WWP2: variants seen among roughly 807,000 people sequenced by gnomAD.
WWP2 encodes the protein NEDD4-like E3 ubiquitin-protein ligase WWP2.
In WWP2, 57 loss-of-function variants were observed where a neutral mutation model predicts 121.0. That is an observed-to-expected ratio of 0.47 (90% CI 0.38 to 0.59). The LOEUF (loss-of-function observed/expected upper bound fraction) is 0.59. Ranked by LOEUF, WWP2 falls within the 20% of genes least tolerant of loss-of-function variation. WWP2 has a pLI of 0.00. For synonymous variants in WWP2, 449 were observed against 441.3 expected, an observed-to-expected ratio of 1.02 and a Z score of -0.22; for missense variants, 962 against 1,158.9, an observed-to-expected ratio of 0.83 and a Z score of 2.47.
At chr16:69,875,212 G>C in intron 7 of WWP2, among the ~76,000 whole-genome samples, 1 of 152,112 alleles carries the variant, frequency 6.6e-6, no homozygotes, top group East Asian at 1.9e-4. Flanking sequence ...ACTATACTAT[G>C]GTCCATAAAA....
chr16:69,826,203 C>T (rs1476677022), intron 4 of WWP2, among the ~76,000 whole-genome samples: 2 of 145,678 alleles, frequency 1.4e-5, no homozygotes, highest in African/African-American at 2.6e-5. Flanking sequence ...GGAGGCAGAG[C>T]TTGCAGTGAA....
intron 2 of WWP2, among the ~76,000 whole-genome samples, chr16:69,795,439 G>C (rs992952659): frequency 2.6e-5 from 4 of 152,032 alleles, no homozygotes; most frequent in African/African-American, 9.7e-5. Flanking sequence ...CATATTTCAA[G>C]TGTCAATAGC....
chr16:69,810,980 C>T (rs1398410511), intron 4 of WWP2, among the ~76,000 whole-genome samples: 2 of 152,020 alleles, frequency 1.3e-5, no homozygotes, highest in Non-Finnish European at 2.9e-5. Context: ...GTCTTGAACT[C>T]CTGACCTCAA....
intron 4 of WWP2, among the ~76,000 whole-genome samples, chr16:69,816,784 TAC>T (rs920710904): frequency 1.3e-4 from 20 of 151,980 alleles, no homozygotes; most frequent in Non-Finnish European, 2.2e-4. Context: ...CATACACATA[TAC>T]ACACACACAT....
intron 4 of WWP2, among the ~76,000 whole-genome samples, chr16:69,800,983 C>T (rs961903301): frequency 2.2e-4 from 32 of 148,496 alleles, no homozygotes; most frequent in African/African-American, 7.1e-4. Context: ...GTCAGGAGTT[C>T]GTGACCAGCC....
intron 6 of WWP2, among the ~76,000 whole-genome samples, chr16:69,855,855 T>A (rs2057300597): frequency 6.6e-6 from 1 of 152,242 alleles, no homozygotes; most frequent in East Asian, 1.9e-4. Context: ...GAATTTCTGC[T>A]TTATGTATTT....
chr16:69,928,952 G>A (rs1470529667), intron 11 of WWP2, among the ~76,000 whole-genome samples: 1 of 152,176 alleles, frequency 6.6e-6, no homozygotes, highest in African/African-American at 2.4e-5. Flanking sequence ...GATCAGAGAG[G>A]TGCGAGGGAA....
chr16:69,778,192 A>T (rs58163059), intron 1 of WWP2, among the ~76,000 whole-genome samples: 14,756 of 125,494 alleles, frequency 0.12, 2,156 homozygotes, highest in African/African-American at 0.35. Flanking sequence ...ATATATATAT[A>T]TTTTTTTTTT....
At chr16:69,785,637 T>C (rs1312913428) in intron 1 of WWP2, among the ~76,000 whole-genome samples, 1 of 151,882 alleles carries the variant, frequency 6.6e-6, no homozygotes, top group Non-Finnish European at 1.5e-5. Context: ...CTTTTTTTTT[T>C]TTTTTTCGAG....
intron 6 of WWP2, among the ~76,000 whole-genome samples, chr16:69,851,341 C>T (rs1358530183): frequency 6.6e-6 from 1 of 152,048 alleles, no homozygotes; most frequent in African/African-American, 2.4e-5. Flanking sequence ...ATCTATTCAT[C>T]TCTCCCTCCC....
Position 69,912,217 on chromosome 16 carries a change from C to T in WWP2, c.1004+3367C>T, listed in dbSNP as rs892167020. 5.3e-5 allele frequency among the ~76,000 whole-genome samples: 8 copies of T among 151,218 alleles called. No individual in the cohort carries two copies. In the East Asian group the frequency reaches 5.9e-4, roughly 11 times the overall value. ...GGCAGGAGAATTGTTTGAACCCCAG[C>T]GGCGGAGGTTACAGTGAGCTGAGAT... On this transcript the variant is annotated intron_variant, in intron 9 of 23. Transcript: ENST00000359154.
rs368855527 is a variant in WWP2, at chr16:69,925,381, C to T, written c.1180-49C>T. ...TTTTATTGATTGATTGATTTTTTCA[C>T]CAGTGGCTTTTTGTAACCTCTGTGT... On this transcript the variant is annotated intron_variant, in intron 10 of 23. Transcript: ENST00000359154. The surrounding 1 kb of genome is among the most constrained non-coding windows in gnomAD (Gnocchi z 4.0). 16 of 1,586,164 alleles carry T rather than the reference C, an allele frequency of 1.0e-5. No homozygotes were observed. The highest frequency in any genetic ancestry group is 1.4e-5 in the Non-Finnish European group (16 of 1,166,926).
Position 69,840,251 on chromosome 16 carries a change from G to C in WWP2, c.466G>C (p.Ala156Pro). ...TCTGGGAAATGTGCCTAATGGCAGT[G>C]CCCTGACAGATGGTGAGTGCCGCCC... The part of the protein sequence containing the change: ...VDLGNVPNGS[A>P]LTDGSQLPSR... The change falls in exon 5 of 24, where the codon GCC becomes CCC. Residue 156 changes from alanine (A) to proline (P), a missense_variant. Around this residue, in one of 3 missense-constraint regions of WWP2, gnomAD observed 211 missense variants for 196.5 expected, o/e 1.07. Coordinates refer to ENST00000359154, the MANE Select transcript of WWP2 (RefSeq NM_001270454.2). 3 of 1,614,154 alleles carry C rather than the reference G, an allele frequency of 1.9e-6. No individual in the cohort carries two copies. The highest frequency in any genetic ancestry group is 2.5e-6 in the Non-Finnish European group (3 of 1,180,026).
At chr16:69,843,591 G>A (rs529857886) in intron 6 of WWP2, among the ~76,000 whole-genome samples, 1 of 152,214 alleles carries the variant, frequency 6.6e-6, no homozygotes, top group South Asian at 2.1e-4. Context: ...ACGAGGCCAG[G>A]CACAGTGGCT....
chr16:69,838,747 A>G (rs2056922137), intron 4 of WWP2: 1 of 985,280 alleles, frequency 1.0e-6, no homozygotes, highest in Non-Finnish European at 1.2e-6. Flanking sequence ...ATTTTATAGA[A>G]ACGTTTAGTA....
Position 69,941,683 on chromosome 16 carries a change from T to C in WWP2, c.*1743T>C, listed in dbSNP as rs1434366162. 6.5e-6 allele frequency: 1 copy of C among 153,748 alleles called. No homozygotes were observed. Among genetic ancestry groups the C allele is most frequent in the Admixed American group, 6.5e-5 (1 of 15,288 alleles). The allele number at this position is 153,748 out of a possible 1,614,324, so 9.5% of individuals were successfully genotyped here. A position where few individuals can be genotyped will look rare whatever the true frequency, so the allele number is the denominator to read the frequency against. ...GGCTGGTCACCAGATTGTTTTGTAA[T>C]GCCCGCCCCTTGCCTCGATATTGCC... is the stretch of plus-strand genomic sequence containing the variant. On this transcript the variant is annotated 3_prime_UTR_variant, in exon 24 of 24. Transcript: ENST00000359154.
intron 4 of WWP2, chr16:69,838,754 A>G (rs1368471129): frequency 1.0e-6 from 1 of 985,336 alleles, no homozygotes; most frequent in African/African-American, 1.7e-5. Context: ...AGAAACGTTT[A>G]GTACTCACCA....
chr16:69,840,350 T>C, intron 5 of WWP2, 87 bp downstream of exon 5: 1 of 1,568,184 alleles, frequency 6.4e-7, no homozygotes, highest in Non-Finnish European at 8.7e-7. Context: ...TGGTTCTTAC[T>C]AGGCCATCTT....
At chr16:69,847,492 T>C (rs2057105818) in intron 6 of WWP2, among the ~76,000 whole-genome samples, 1 of 151,108 alleles carries the variant, frequency 6.6e-6, no homozygotes, top group Non-Finnish European at 1.5e-5. Context: ...TCACTGCAAC[T>C]TCTCTCTCCC....
Sources: gnomAD v4.1 joint callset for allele counts (sites outside exome capture counted in the v4.1 genomes callset) on GRCh38, gnomAD v4.1.1 for gene constraint, gnomAD v4.1.1 regional missense constraint, Gnocchi (gnomAD v3.1) non-coding constraint, MANE v1.5 for transcripts, NCBI Gene and HGNC (gene_info 2026-07-23, HGNC 2026-07-21) for gene names.